Variants in ZNF292 observed in about 807,000 individuals in gnomAD.
The protein encoded by ZNF292 is 16 zinc-finger domain protein.
In ZNF292, 26 loss-of-function variants were observed where a neutral mutation model predicts 217.9. That is an observed-to-expected ratio of 0.12 (90% CI 0.09 to 0.17). ZNF292 has a LOEUF of 0.17. ZNF292 is among the 10% of genes least tolerant of loss of function. The pLI, the probability that ZNF292 is intolerant of heterozygous loss-of-function variation, is 1.00. For synonymous variants in ZNF292, 1,257 were observed against 1,124.1 expected (o/e 1.12, Z -2.37); for missense variants, 2,904 against 3,175.2 (o/e 0.91, Z 2.05).
chr6:87,239,712 C>T lies in ZNF292; in HGVS notation c.742-3763C>T, dbSNP rs1334683769. Among the ~76,000 whole-genome samples, 13 of 123,984 alleles carry T rather than the reference C, an allele frequency of 1.0e-4. 1 individual carries two copies. Among genetic ancestry groups the T allele is most frequent in the South Asian group, 2.8e-4 (1 of 3,604 alleles). 81.3% of individuals were successfully genotyped at this position (123,984 alleles called of 152,430 possible). A position where few individuals can be genotyped will look rare whatever the true frequency, so the allele number is the denominator to read the frequency against. On this transcript the variant is annotated intron_variant, in intron 5 of 7. Coordinates refer to ENST00000369577, the MANE Select transcript of ZNF292 (RefSeq NM_015021.3). ...GCGGAGGGGCTCCTCACCTCCCAGA[C>T]GGGGTCGCGGCTGGGCAGAGGCGCT... is the stretch of plus-strand genomic sequence containing the variant.
intron 4 of ZNF292, among the ~76,000 whole-genome samples, chr6:87,229,583 C>T (rs1020777117): frequency 5.3e-5 from 8 of 152,142 alleles, no homozygotes; most frequent in African/African-American, 1.4e-4. Flanking sequence ...TGCGCCTCCA[C>T]GCCCAGCTAA....
chr6:87,251,119 TG>T (rs1221136220), intron 7 of ZNF292, among the ~76,000 whole-genome samples: 5 of 151,942 alleles, frequency 3.3e-5, no homozygotes, highest in Non-Finnish European at 5.9e-5. Context: ...TCAAGACAAA[TG>T]AGAGAATGGA....
intron 4 of ZNF292, among the ~76,000 whole-genome samples, chr6:87,226,295 G>T (rs914434359): frequency 2.0e-5 from 3 of 151,968 alleles, no homozygotes; most frequent in African/African-American, 7.3e-5. Flanking sequence ...TCATGGTTTT[G>T]TGGGAAATAA....
intron 1 of ZNF292, among the ~76,000 whole-genome samples, chr6:87,185,715 C>T (rs1190599380): frequency 6.6e-6 from 1 of 152,226 alleles, no homozygotes; most frequent in Non-Finnish European, 1.5e-5. Flanking sequence ...GCGATCTACC[C>T]ACTTCAGCTT....
Position 87,156,625 on chromosome 6 carries a change from G to A in ZNF292, c.168+866G>A, listed in dbSNP as rs1046332958. On this transcript the variant is annotated intron_variant, in intron 1 of 7. Transcript: ENST00000369577. ...TGGAGTCCTTCCTATTTGGCTTCCT[G>A]ATGAAGTGGGAGAAGACTGAGGTTC... 4.5e-4 allele frequency among the ~76,000 whole-genome samples: 68 copies of A among 152,338 alleles called. 1 individual carries two copies. The highest frequency in any genetic ancestry group is 1.6e-3 in the African/African-American group (67 of 41,590).
intron 1 of ZNF292, among the ~76,000 whole-genome samples, chr6:87,190,054 C>T (rs1338934391): frequency 1.3e-5 from 2 of 152,182 alleles, no homozygotes; most frequent in Non-Finnish European, 2.9e-5. Context: ...CCCACAGGAA[C>T]TCTTTCACTT....
rs1277793884 is a variant in ZNF292, at chr6:87,258,889, A to G, written c.5260A>G (p.Asn1754Asp). 1.2e-6 allele frequency: 2 copies of G among 1,607,072 alleles called. No individual in the cohort carries two copies. The highest frequency in any genetic ancestry group is 3.4e-5 in the Admixed American group (2 of 58,710). Residue 1754 changes from asparagine (N) to aspartate (D), a missense_variant, in exon 8 of 8, where the codon AAC (asparagine) becomes GAC (aspartate). By Grantham distance (23) the Asn-to-Asp change is conservative (BLOSUM62 1). Transcript: ENST00000369577. ...LQISEDNVIQ[N>D]FEKTLEIIKT... Reference sequence around the variant, plus strand: ...GATTTCTGAAGACAATGTTATACAAAACTTTGAAAAGACTCTTGAAATTAT... The same window carrying G: ...GATTTCTGAAGACAATGTTATACAAGACTTTGAAAAGACTCTTGAAATTAT...
intron 1 of ZNF292, among the ~76,000 whole-genome samples, chr6:87,186,310 A>C (rs933759424): frequency 6.6e-6 from 1 of 152,270 alleles, no homozygotes; most frequent in Admixed American, 6.5e-5. Context: ...TTTATATTCT[A>C]GGAACAGGAT....
intron 1 of ZNF292, among the ~76,000 whole-genome samples, chr6:87,207,063 C>T (rs1302400401): frequency 1.3e-5 from 2 of 152,166 alleles, no homozygotes; most frequent in Non-Finnish European, 2.9e-5. Flanking sequence ...TAATAACACT[C>T]ATGGTGAACT....
In ZNF292 at chr6:87,254,702, G is replaced by A. The variant is rs1175567269; in HGVS notation, c.1073G>A (p.Arg358His). The A allele has an allele frequency of 4.3e-6, 7 of 1,613,900 alleles. No individual in the cohort carries two copies. Among genetic ancestry groups the A allele is most frequent in the East Asian group, 2.2e-5 (1 of 44,872 alleles). Residue 358 changes from arginine to histidine, a missense_variant, in exon 8 of 8, where the codon CGC becomes CAC. Arg to His is a conservative substitution (Grantham distance 29). This residue lies in a region of ZNF292 where 313 missense variants were observed against 451.0 expected (regional missense o/e 0.69). Coordinates refer to ENST00000369577, the MANE Select transcript of ZNF292 (RefSeq NM_015021.3). Reference protein sequence around the residue: ...TCIELCVKALRLESTENTEVK... With the variant: ...TCIELCVKALHLESTENTEVK... ...ATAGAACTGTGTGTAAAGGCTCTTCGCTTGGAGTCTACAGAAAATACTGAA... is the reference window on the plus strand; with the variant it reads ...ATAGAACTGTGTGTAAAGGCTCTTCACTTGGAGTCTACAGAAAATACTGAA...
intron 1 of ZNF292, among the ~76,000 whole-genome samples, chr6:87,194,755 G>A (rs1012001329): frequency 6.6e-6 from 1 of 152,014 alleles, no homozygotes; most frequent in South Asian, 2.1e-4. Flanking sequence ...GAAAACTGTA[G>A]GCCAATTTCA....
intron 1 of ZNF292, among the ~76,000 whole-genome samples, chr6:87,167,974 A>G (rs1471688521): frequency 2.0e-5 from 3 of 152,168 alleles, no homozygotes; most frequent in Non-Finnish European, 4.4e-5. Flanking sequence ...ACCTATCCTC[A>G]CTCAGACTGT....
At position 87,261,977 on chromosome 6, in the gene ZNF292, C is replaced by A; in HGVS notation, c.*176C>A. On this transcript the variant is annotated 3_prime_UTR_variant, in exon 8 of 8. Transcript: ENST00000369577. ...TTTGTCATGTAAAACTTTTTTTTAT[C>A]CCTATGGGACTTGAGGAACAGAATC... 2.2e-6 allele frequency: 1 copy of A among 444,446 alleles called. No individual in the cohort carries two copies. Among genetic ancestry groups the A allele is most frequent in the African/African-American group, 2.0e-5 (1 of 49,892 alleles). 27.5% of individuals were successfully genotyped at this position (444,446 alleles called of 1,614,324 possible). A position where few individuals can be genotyped will look rare whatever the true frequency, so the allele number is the denominator to read the frequency against.
chr6:87,237,579 TTA>T (rs1773965169), intron 5 of ZNF292, among the ~76,000 whole-genome samples: 1 of 152,234 alleles, frequency 6.6e-6, no homozygotes, highest in Non-Finnish European at 1.5e-5. Context: ...CCAATACTTT[TTA>T]AAAGTATACT....
In ZNF292 at chr6:87,264,297, A is replaced by G. The variant is rs754382777; in HGVS notation, c.*2496A>G. ...GAGTTTTTCCTCTTCTGAACCCGCA[A>G]AGTTTGCATATTACAGGTCAGAATT... On this transcript the variant is annotated 3_prime_UTR_variant, in exon 8 of 8. Transcript: ENST00000369577. 2 of 152,226 alleles carry G rather than the reference A, an allele frequency of 1.3e-5. No homozygotes were observed. The highest frequency in any genetic ancestry group is 2.4e-5 in the African/African-American group (1 of 41,456). 9.4% of individuals were successfully genotyped at this position (152,226 alleles called of 1,614,324 possible).
intron 1 of ZNF292, among the ~76,000 whole-genome samples, chr6:87,189,236 A>T (rs1411919924): frequency 6.6e-6 from 1 of 152,046 alleles, no homozygotes; most frequent in Non-Finnish European, 1.5e-5. Context: ...AATAAATAAA[A>T]TAAAAAATGT....
At position 87,261,458 on chromosome 6, in the gene ZNF292, C is replaced by T. The variant is rs1023938006; in HGVS notation, c.7829C>T (p.Thr2610Ile). The change falls in exon 8 of 8, where the codon ACT (threonine) becomes ATT (isoleucine). Residue 2610 changes from threonine (T) to isoleucine (I), a missense_variant. By Grantham distance (89) the Thr-to-Ile change is moderately conservative. Around this residue, in one of 15 missense-constraint regions of ZNF292, gnomAD observed 380 missense variants for 355.3 expected, o/e 1.07. Transcript: ENST00000369577. ...TCTGCAGTGAAGCAGAAGAAAAATA[C>T]TGACAAAGACCATCCGAATACTGGA... ...EESAVKQKKN[T>I]DKDHPNTGNK... The T allele has an allele frequency of 1.2e-6, 2 of 1,604,922 alleles. No individual in the cohort carries two copies. Among genetic ancestry groups the T allele is most frequent in the Non-Finnish European group, 1.7e-6 (2 of 1,175,348 alleles).
At chr6:87,169,602 T>G (rs1450549496) in intron 1 of ZNF292, 1 of 350,802 alleles carries the variant, frequency 2.9e-6, no homozygotes, top group South Asian at 2.0e-5. Context: ...TAAATAGGAA[T>G]GATTATGCTA....
At chr6:87,242,525 T>C (rs1320035073) in intron 5 of ZNF292, among the ~76,000 whole-genome samples, 3 of 152,208 alleles carry the variant, frequency 2.0e-5, no homozygotes, top group Non-Finnish European at 4.4e-5. Context: ...CTCAATATTT[T>C]ATGAAAGAGA....
Sources: allele counts gnomAD v4.1 joint callset (sites outside exome capture counted in the v4.1 genomes callset), GRCh38; gene constraint gnomAD v4.1.1; regional missense constraint gnomAD v4.1.1; transcripts MANE v1.5; gene names NCBI Gene and HGNC (gene_info 2026-07-23, HGNC 2026-07-21).